The following ASPH variants were observed in gnomAD, a reference collection of about 807,000 sequenced individuals.
The protein encoded by ASPH is aspartyl/asparaginyl beta-hydroxylase.
In ASPH, 100 loss-of-function variants were observed where a neutral mutation model predicts 118.4. That is an observed-to-expected ratio of 0.84 (90% CI 0.72 to 1.00). The LOEUF (loss-of-function observed/expected upper bound fraction) is 1.00. ASPH is among the 50% of genes least tolerant of loss of function. ASPH has a pLI of 0.00. For synonymous variants in ASPH, 315 were observed against 325.6 expected, an observed-to-expected ratio of 0.97 and a Z score of 0.35; for missense variants, 920 against 919.5, an observed-to-expected ratio of 1.00 and a Z score of -0.01.
At chr8:61,528,986 C>T (rs1052031489) in intron 21 of ASPH, among the ~76,000 whole-genome samples, 1 of 152,106 alleles carries the variant, frequency 6.6e-6, no homozygotes, top group Admixed American at 6.6e-5. Context: ...ATAAAACAGT[C>T]GCTTATTTTC....
intron 16 of ASPH, among the ~76,000 whole-genome samples, chr8:61,573,282 AGT>A (rs945671335): frequency 2.0e-5 from 3 of 152,232 alleles, no homozygotes; most frequent in African/African-American, 7.2e-5. Flanking sequence ...AAATGGCCAT[AGT>A]GCCCAAAGTA....
chr8:61,585,265 G>A (rs1429590630), intron 14 of ASPH, among the ~76,000 whole-genome samples: 1 of 152,224 alleles, frequency 6.6e-6, no homozygotes, highest in Admixed American at 6.5e-5. Context: ...GGCAGTGCCT[G>A]CAGAGTGGAT....
chr8:61,633,741 T>A lies in ASPH; in HGVS notation c.890-14A>T. ...AAATGCTTACTTCTAAAATAAATAATAAAGTTATAATCTGTTACATATTGC... is the reference window on the plus strand; with the variant it reads ...AAATGCTTACTTCTAAAATAAATAAAAAAGTTATAATCTGTTACATATTGC... On this transcript the variant is annotated splice_polypyrimidine_tract_variant and intron_variant, in intron 12 of 24. Transcript: ENST00000379454. The A allele has an allele frequency of 6.3e-7, 1 of 1,579,296 alleles. No individual in the cohort carries two copies. Among genetic ancestry groups the A allele is most frequent in the Non-Finnish European group, 8.6e-7 (1 of 1,156,090 alleles).
chr8:61,503,584 G>A, intron 24 of ASPH, 75 bp from the exon 25 acceptor site: 4 of 1,404,364 alleles, frequency 2.8e-6, no homozygotes, highest in Non-Finnish European at 3.8e-6. Flanking sequence ...TCCTGTCCAT[G>A]TGCGAGAACT....
At chr8:61,695,743 C>T (rs907984425) in intron 1 of ASPH, among the ~76,000 whole-genome samples, 1 of 152,220 alleles carries the variant, frequency 6.6e-6, no homozygotes, top group Non-Finnish European at 1.5e-5. Flanking sequence ...CTGTACACTT[C>T]CCTTGGATCT....
intron 5 of ASPH, among the ~76,000 whole-genome samples, chr8:61,648,011 A>C (rs1347768232): frequency 6.6e-6 from 1 of 152,180 alleles, no homozygotes; most frequent in African/African-American, 2.4e-5. Flanking sequence ...TTTGCAGTGC[A>C]GCTCAGGGAT....
chr8:61,651,452 A>G (rs1810933833), intron 4 of ASPH: 1 of 215,578 alleles, frequency 4.6e-6, no homozygotes. Flanking sequence ...ATTCGCAATA[A>G]TGATAAAATA....
intron 21 of ASPH, among the ~76,000 whole-genome samples, chr8:61,526,510 G>A (rs917295894): frequency 3.9e-5 from 6 of 152,084 alleles, no homozygotes; most frequent in South Asian, 2.1e-4. Flanking sequence ...AATCACAGAC[G>A]TAATTTCACC....
chr8:61,660,852 T>C (rs1816505003), intron 3 of ASPH: 1 of 152,144 alleles, frequency 6.6e-6, no homozygotes, highest in African/African-American at 2.4e-5. Context: ...TAGAATTAAA[T>C]CAATTTTTGT....
At chr8:61,676,081 G>A in intron 3 of ASPH, 1 of 1,599,314 alleles carries the variant, frequency 6.3e-7, no homozygotes, top group South Asian at 1.1e-5. Flanking sequence ...AAGGTTACTG[G>A]TTATGTAAAT....
intron 21 of ASPH, among the ~76,000 whole-genome samples, chr8:61,536,903 C>T (rs915292285): frequency 3.3e-5 from 5 of 152,198 alleles, no homozygotes; most frequent in Admixed American, 1.3e-4. Context: ...TGAATTCAGC[C>T]TCTCATCATC....
At chr8:61,625,347 A>G (rs1302001101) in intron 13 of ASPH, 2 of 985,674 alleles carry the variant, frequency 2.0e-6, no homozygotes, top group Admixed American at 6.2e-5. Context: ...GGCGTTACTG[A>G]GTTCATCTAG....
intron 3 of ASPH, chr8:61,675,566 T>C (rs1473599665): frequency 1.0e-6 from 1 of 979,856 alleles, no homozygotes; most frequent in Non-Finnish European, 1.2e-6. Flanking sequence ...CAAATTACAA[T>C]AAAAAATATC....
chr8:61,555,821 T>C, intron 19 of ASPH, 103 bp downstream of exon 19: 2 of 971,940 alleles, frequency 2.1e-6, no homozygotes, highest in South Asian at 1.6e-5. Context: ...AGGATGAAAA[T>C]ACTCAGCAGT....
chr8:61,706,336 T>C (rs1213413491), intron 1 of ASPH, among the ~76,000 whole-genome samples: 1 of 131,696 alleles, frequency 7.6e-6, no homozygotes, highest in Admixed American at 8.8e-5. Flanking sequence ...GGTCGGAGGA[T>C]CACCGGAGCC....
rs370854430 is a variant in ASPH at position 61,643,379 on chromosome 8, C to T, written c.757+7G>A. 33 of 1,604,618 alleles carry T rather than the reference C, an allele frequency of 2.1e-5. No homozygotes were observed. Among genetic ancestry groups the T allele is most frequent in the Non-Finnish European group, 6.8e-6 (8 of 1,178,116 alleles). ...TTTTAAATCTAATGAAAATGCTCAT[C>T]TAATACCTGTATCATGGTGCAATCT... On this transcript the variant is annotated splice_region_variant and intron_variant, in intron 9 of 24. Transcript: ENST00000379454.
rs191593891 is a variant in ASPH at position 61,539,381 on chromosome 8, T to A, written c.1764+8690A>T. Among the ~76,000 whole-genome samples the A allele has an allele frequency of 2.2e-3, 336 of 152,126 alleles. 1 individual carries two copies. The highest frequency in any genetic ancestry group is 7.9e-3 in the African/African-American group (327 of 41,500). ...AAAGCAGGAGAGACCGAGGCAAATTTTAGAGCAGGAGTGAAAGTTTGTTAA... is the reference window on the plus strand; with the variant it reads ...AAAGCAGGAGAGACCGAGGCAAATTATAGAGCAGGAGTGAAAGTTTGTTAA... On this transcript the variant is annotated intron_variant, in intron 21 of 24. Transcript: ENST00000379454.
At chr8:61,618,556 CAAT>C (rs1303741610) in intron 14 of ASPH, among the ~76,000 whole-genome samples, 11 of 152,182 alleles carry the variant, frequency 7.2e-5, no homozygotes, top group African/African-American at 2.7e-4. Context: ...GACATATCAA[CAAT>C]AAATGATATT....
At chr8:61,513,001 G>GT (rs1375961845) in intron 24 of ASPH, among the ~76,000 whole-genome samples, 6 of 152,312 alleles carry the variant, frequency 3.9e-5, no homozygotes, top group African/African-American at 1.4e-4. Flanking sequence ...ATTTACAGTG[G>GT]TAAGGGCTGC....
Sources: gnomAD v4.1 joint callset for allele counts (sites outside exome capture counted in the v4.1 genomes callset) on GRCh38, gnomAD v4.1.1 for gene constraint, MANE v1.5 for transcripts, NCBI Gene and HGNC (gene_info 2026-07-23, HGNC 2026-07-21) for gene names.